The following GLRB variants were observed in gnomAD, a reference collection of about 807,000 sequenced individuals.
The protein encoded by GLRB is glycine receptor beta.
A neutral mutation model predicts 54.2 loss-of-function variants in GLRB; 33 were observed. The observed-to-expected ratio is 0.61, with a 90% CI of 0.46 to 0.81. The LOEUF (loss-of-function observed/expected upper bound fraction) is 0.81. Ranked by LOEUF, GLRB falls within the 40% of genes least tolerant of loss-of-function variation. The pLI, the probability that GLRB is intolerant of heterozygous loss-of-function variation, is 0.00. For synonymous variants in GLRB, 209 were observed against 208.2 expected, an observed-to-expected ratio of 1.00 and a Z score of -0.03; for missense variants, 572 against 584.6, an observed-to-expected ratio of 0.98 and a Z score of 0.22.
intron 3 of GLRB, 107 bp from the exon 4 acceptor site, chr4:157,122,223 A>T: frequency 1.9e-6 from 1 of 524,336 alleles, no homozygotes; most frequent in Non-Finnish European, 3.5e-6. Context: ...TGCATTCCAT[A>T]TGGATTGGAA....
rs565772595 is a variant in GLRB, at chr4:157,083,545, G to T, written c.122+5399G>T. ...GCATTACACAGGCGGTTAGACCAGA[G>T]ACTGATATAATGTGATTTCAACTTG... is the stretch of plus-strand genomic sequence containing the variant. On this transcript the variant is annotated intron_variant, in intron 2 of 9. Transcript: ENST00000264428. Among the ~76,000 whole-genome samples the T allele has an allele frequency of 1.2e-4, 19 of 152,222 alleles. No individual in the cohort carries two copies. In the South Asian group the frequency reaches 3.9e-3, roughly 32 times the overall value.
chr4:157,117,000 T>G (rs1735631740), intron 2 of GLRB, among the ~76,000 whole-genome samples: 1 of 151,746 alleles, frequency 6.6e-6, no homozygotes, highest in Non-Finnish European at 1.5e-5. Flanking sequence ...CAAAAGATTT[T>G]TGTCAAACAA....
At chr4:157,137,703 A>C (rs2126568990) in intron 6 of GLRB, among the ~76,000 whole-genome samples, 1 of 152,316 alleles carries the variant, frequency 6.6e-6, no homozygotes, top group African/African-American at 2.4e-5. Context: ...TTCTAACTAT[A>C]AAATGAGATT....
At chr4:157,122,748 G>A (rs1560955064) in intron 4 of GLRB, among the ~76,000 whole-genome samples, 1 of 151,720 alleles carries the variant, frequency 6.6e-6, no homozygotes, top group Non-Finnish European at 1.5e-5. Context: ...CATTCAAAAT[G>A]TTTTAAGTAT....
chr4:157,095,456 C>T (rs1734775579), intron 2 of GLRB, among the ~76,000 whole-genome samples: 1 of 152,098 alleles, frequency 6.6e-6, no homozygotes, highest in Non-Finnish European at 1.5e-5. Flanking sequence ...ATCCAATAAG[C>T]TGTTGAACAT....
At chr4:157,154,423 CT>C (rs778002566) in intron 9 of GLRB, among the ~76,000 whole-genome samples, 2,678 of 103,384 alleles carry the variant, frequency 0.026, 12 homozygotes, top group Non-Finnish European at 0.039. Context: ...CTTCTTTTTC[CT>C]TTTTTTTTTT....
chr4:157,161,577 C>G (rs1203433773), intron 9 of GLRB, among the ~76,000 whole-genome samples: 2 of 152,114 alleles, frequency 1.3e-5, no homozygotes, highest in Non-Finnish European at 2.9e-5. Context: ...TTTTATTTCT[C>G]CTTCACTTAT....
Position 157,077,990 on chromosome 4 carries a change from T to C in GLRB, c.-29-6T>C. The C allele has an allele frequency of 1.3e-6, 2 of 1,573,604 alleles. No individual in the cohort carries two copies. The highest frequency in any genetic ancestry group is 1.7e-6 in the Non-Finnish European group (2 of 1,145,576). On this transcript the variant is annotated splice_region_variant and splice_polypyrimidine_tract_variant and intron_variant, in intron 1 of 9. Transcript: ENST00000264428. The stretch of plus-strand genomic sequence containing the variant: ...AATGTAAACATTTTCTTGTTCTCTC[T>C]TGTAGATCGATCTTCTGAAATTCAA...
At chr4:157,144,024 T>A in intron 8 of GLRB, 65 bp downstream of exon 8, 1 of 1,442,630 alleles carries the variant, frequency 6.9e-7, no homozygotes, top group East Asian at 2.3e-5. Flanking sequence ...ACTTACCATA[T>A]AATCAACTAC....
intron 2 of GLRB, among the ~76,000 whole-genome samples, chr4:157,105,075 G>A (rs553438566): frequency 5.4e-4 from 81 of 150,276 alleles, no homozygotes; most frequent in African/African-American, 1.9e-3. Flanking sequence ...TCTACCTTCT[G>A]CTAACTTTGG....
chr4:157,160,743 TA>T (rs1228483715), intron 9 of GLRB, among the ~76,000 whole-genome samples: 2 of 152,176 alleles, frequency 1.3e-5, no homozygotes, highest in African/African-American at 4.8e-5. Context: ...AGGAGTGCTT[TA>T]CTTCCAACTA....
chr4:157,104,667 A>G (rs1025207901), intron 2 of GLRB, among the ~76,000 whole-genome samples: 3 of 152,014 alleles, frequency 2.0e-5, no homozygotes, highest in Non-Finnish European at 4.4e-5. Flanking sequence ...TGAATTTGCC[A>G]GTGAAACCAT....
At chr4:157,147,159 C>T (rs11939875) in intron 8 of GLRB, among the ~76,000 whole-genome samples, 12,558 of 152,134 alleles carry the variant, frequency 0.083, 1,715 homozygotes, top group African/African-American at 0.29. Context: ...GGAATTTAAA[C>T]TTTGTCAAAA....
At chr4:157,131,139 A>G (rs78195990) in intron 4 of GLRB, among the ~76,000 whole-genome samples, 5,825 of 151,818 alleles carry the variant, frequency 0.038, 127 homozygotes, top group Middle Eastern at 0.11. Flanking sequence ...TGAAAGTTAC[A>G]TTGTCCTGGA....
intron 9 of GLRB, among the ~76,000 whole-genome samples, chr4:157,169,429 AG>A (rs1737835098): frequency 6.6e-6 from 1 of 152,144 alleles, no homozygotes; most frequent in Admixed American, 6.6e-5. Context: ...GAGAGAGTTC[AG>A]CATAAAATAT....
At chr4:157,144,490 T>C (rs908772434) in intron 8 of GLRB, among the ~76,000 whole-genome samples, 4 of 152,194 alleles carry the variant, frequency 2.6e-5, no homozygotes, top group African/African-American at 9.6e-5. Context: ...CTTTGTGACA[T>C]AGAAATACCA....
At chr4:157,078,189 T>C (rs1579175916) in intron 2 of GLRB, 43 bp downstream of exon 2, 1 of 1,607,872 alleles carries the variant, frequency 6.2e-7, no homozygotes, top group Non-Finnish European at 8.5e-7. Context: ...AGAAATGTTA[T>C]TGCGTGTTTT....
At chr4:157,106,246 T>C (rs554787439) in intron 2 of GLRB, among the ~76,000 whole-genome samples, 1 of 152,232 alleles carries the variant, frequency 6.6e-6, no homozygotes, top group South Asian at 2.1e-4. Flanking sequence ...GTATGATATT[T>C]TTTGCAGAAA....
chr4:157,132,132 A>C (rs1736239017), intron 4 of GLRB, among the ~76,000 whole-genome samples: 1 of 151,742 alleles, frequency 6.6e-6, no homozygotes, highest in South Asian at 2.1e-4. Flanking sequence ...TTGTTGTTTT[A>C]ATTTGCATTT....
Sources: gnomAD v4.1 joint callset for allele counts (sites outside exome capture counted in the v4.1 genomes callset) on GRCh38, gnomAD v4.1.1 for gene constraint, MANE v1.5 for transcripts, NCBI Gene and HGNC (gene_info 2026-07-23, HGNC 2026-07-21) for gene names.